CSMD1: variants seen among roughly 807,000 people sequenced by gnomAD.
The protein encoded by CSMD1 is CUB and sushi domain-containing protein 1.
In CSMD1, 213 loss-of-function variants were observed where a neutral mutation model predicts 417.5. That is an observed-to-expected ratio of 0.51 (90% CI 0.46 to 0.57). The LOEUF is 0.57. Ranked by LOEUF, CSMD1 falls within the 20% of genes least tolerant of loss-of-function variation. The pLI, the probability that CSMD1 is intolerant of heterozygous loss-of-function variation, is 0.00. For synonymous variants in CSMD1, 2,862 were observed against 1,736.8 expected (o/e 1.65, Z -16.11); for missense variants, 6,923 against 4,529.7 (o/e 1.53, Z -15.17).
chr8:3,532,064 G>T (rs374231447), intron 10 of CSMD1, among the ~76,000 whole-genome samples: 8 of 152,206 alleles, frequency 5.3e-5, no homozygotes, highest in African/African-American at 1.9e-4. Flanking sequence ...ACTGCCTCAT[G>T]ATTAGCTCGT....
chr8:3,004,888 C>A (rs1363177644), intron 52 of CSMD1, among the ~76,000 whole-genome samples: 1 of 152,172 alleles, frequency 6.6e-6, no homozygotes, highest in African/African-American at 2.4e-5. Flanking sequence ...CCTGTACTCC[C>A]AGCACTTTGG....
intron 1 of CSMD1, among the ~76,000 whole-genome samples, chr8:4,812,767 G>T (rs1477213323): frequency 6.6e-6 from 1 of 152,160 alleles, no homozygotes; most frequent in Admixed American, 6.5e-5. Context: ...CCTTGAGTTT[G>T]TGTTCTCATG....
chr8:3,234,838 A>G (rs1053138970), intron 26 of CSMD1, among the ~76,000 whole-genome samples: 1 of 152,208 alleles, frequency 6.6e-6, no homozygotes, highest in Non-Finnish European at 1.5e-5. Context: ...CCCTTCCTGA[A>G]CCAGCATTTT....
chr8:4,841,977 T>G (rs1000802404), intron 1 of CSMD1, among the ~76,000 whole-genome samples: 3 of 141,966 alleles, frequency 2.1e-5, no homozygotes, highest in Non-Finnish European at 3.1e-5. Flanking sequence ...AATGCATTTT[T>G]GTCCTGCCTC....
At chr8:3,742,742 A>AAAAAAC (rs1041826444) in intron 6 of CSMD1, among the ~76,000 whole-genome samples, 1 of 152,116 alleles carries the variant, frequency 6.6e-6, no homozygotes, top group African/African-American at 2.4e-5. Context: ...GAGAGAAGAA[A>AAAAAAC]AAAAACAAAA....
At chr8:3,067,801 T>C (rs1387817786) in intron 49 of CSMD1, among the ~76,000 whole-genome samples, 14 of 152,030 alleles carry the variant, frequency 9.2e-5, no homozygotes, top group Admixed American at 8.5e-4. Flanking sequence ...CTTGGTTCCA[T>C]GTGCTGTAAT....
At chr8:4,005,320 A>G (rs1563309208) in intron 4 of CSMD1, among the ~76,000 whole-genome samples, 2 of 152,210 alleles carry the variant, frequency 1.3e-5, no homozygotes, top group Admixed American at 6.5e-5. Context: ...TTTCAAGCCT[A>G]CAGACATTCA....
At chr8:4,057,493 T>C (rs892077486) in intron 3 of CSMD1, among the ~76,000 whole-genome samples, 3 of 152,172 alleles carry the variant, frequency 2.0e-5, no homozygotes, top group African/African-American at 7.2e-5. Context: ...TGCCTGTTCA[T>C]TCTGACGGTA....
intron 3 of CSMD1, among the ~76,000 whole-genome samples, chr8:4,325,035 C>T (rs1422155031): frequency 6.6e-6 from 1 of 152,104 alleles, no homozygotes; most frequent in African/African-American, 2.4e-5. Flanking sequence ...TGCACTGTGG[C>T]TCCTTAAAAT....
At chr8:4,512,536 A>G (rs750989806) in intron 2 of CSMD1, among the ~76,000 whole-genome samples, 11 of 152,166 alleles carry the variant, frequency 7.2e-5, no homozygotes, top group Non-Finnish European at 1.6e-4. Context: ...CATCCTAAAT[A>G]ATTGAGAAAA....
rs1443853647 is a variant in CSMD1 at position 4,709,095 on chromosome 8, G to C, written c.86-71537C>G. The stretch of plus-strand genomic sequence containing the variant: ...GCAAAGTAATATGCTTCCCAATATG[G>C]TAGACTGGGTTGGAAAAAATGTCTT... On this transcript the variant is annotated intron_variant, in intron 1 of 69. Coordinates refer to ENST00000635120, the MANE Select transcript of CSMD1 (RefSeq NM_033225.6). Among the ~76,000 whole-genome samples, 4 of 152,170 alleles carry C rather than the reference G, an allele frequency of 2.6e-5. No homozygotes were observed. In the East Asian group the frequency reaches 7.7e-4, roughly 29 times the overall value.
intron 3 of CSMD1, among the ~76,000 whole-genome samples, chr8:4,239,729 G>A (rs1313096672): frequency 1.3e-5 from 2 of 152,240 alleles, no homozygotes; most frequent in African/African-American, 2.4e-5. Flanking sequence ...GCTTTATTGT[G>A]GAAAGGTGGG....
At chr8:4,926,779 C>A (rs1806899536) in intron 1 of CSMD1, among the ~76,000 whole-genome samples, 1 of 152,092 alleles carries the variant, frequency 6.6e-6, no homozygotes, top group Non-Finnish European at 1.5e-5. Flanking sequence ...CATGTCATCT[C>A]TCTGTATTGG....
chr8:3,585,376 G>A (rs1225202468), intron 9 of CSMD1, among the ~76,000 whole-genome samples: 1 of 152,072 alleles, frequency 6.6e-6, no homozygotes, highest in Non-Finnish European at 1.5e-5. Context: ...AGTCAAACTA[G>A]GGCTTTTTCT....
intron 5 of CSMD1, among the ~76,000 whole-genome samples, chr8:3,904,299 C>G (rs1807961921): frequency 6.6e-6 from 1 of 152,090 alleles, no homozygotes; most frequent in African/African-American, 2.4e-5. Context: ...GAGGACACCC[C>G]TTTCTTTCAT....
chr8:4,625,705 A>C (rs1219946044), intron 2 of CSMD1, among the ~76,000 whole-genome samples: 2 of 152,138 alleles, frequency 1.3e-5, no homozygotes, highest in Admixed American at 1.3e-4. Context: ...TCGTATCCGT[A>C]ACATATTCAA....
chr8:3,825,971 G>A (rs980147579), intron 5 of CSMD1, among the ~76,000 whole-genome samples: 4 of 152,158 alleles, frequency 2.6e-5, no homozygotes, highest in Non-Finnish European at 4.4e-5. Flanking sequence ...TTTTAACTTG[G>A]CTTTCAGCAG....
chr8:4,526,185 A>G (rs1163747439), intron 2 of CSMD1, among the ~76,000 whole-genome samples: 1 of 152,226 alleles, frequency 6.6e-6, no homozygotes, highest in Non-Finnish European at 1.5e-5. Flanking sequence ...TTTTGAGTAG[A>G]AACTTTGTAG....
intron 27 of CSMD1, among the ~76,000 whole-genome samples, chr8:3,227,241 A>T (rs977781117): frequency 3.3e-5 from 5 of 152,094 alleles, no homozygotes; most frequent in Non-Finnish European, 7.4e-5. Context: ...TCTACTAAAA[A>T]TACAAAAAAA....
Sources: allele counts gnomAD v4.1 joint callset (sites outside exome capture counted in the v4.1 genomes callset), GRCh38; gene constraint gnomAD v4.1.1; transcripts MANE v1.5; gene names NCBI Gene and HGNC (gene_info 2026-07-23, HGNC 2026-07-21).